HS3ST5: variants seen among roughly 807,000 people sequenced by gnomAD.
HS3ST5 encodes the protein heparan sulfate-glucosamine 3-sulfotransferase 5.
Under a neutral mutation model 25.4 loss-of-function variants are expected in HS3ST5, and 10 were observed. The observed-to-expected ratio is 0.39, with a 90% CI of 0.24 to 0.67. HS3ST5 has a LOEUF of 0.67. HS3ST5 is among the 30% of genes least tolerant of loss of function. The probability of loss-of-function intolerance (pLI) is 0.44; values close to 1 mark genes in which losing one functional copy is unlikely to be tolerated. For missense variants in HS3ST5, 324 were observed against 420.7 expected (o/e 0.77, Z 2.01); for synonymous variants, 170 against 162.4 (o/e 1.05, Z -0.36).
intron 3 of HS3ST5, among the ~76,000 whole-genome samples, chr6:114,145,905 C>T (rs1323476072): frequency 6.6e-6 from 1 of 152,188 alleles, no homozygotes; most frequent in African/African-American, 2.4e-5. Flanking sequence ...CTTAATTGAA[C>T]TGATACCCTT....
intron 3 of HS3ST5, among the ~76,000 whole-genome samples, chr6:114,063,871 G>A (rs12190983): frequency 0.14 from 21,588 of 152,098 alleles, 1,566 homozygotes; most frequent in Middle Eastern, 0.21. Flanking sequence ...TCCCCTGGCT[G>A]TCAATGAATT....
intron 1 of HS3ST5, among the ~76,000 whole-genome samples, chr6:114,335,074 A>G (rs892462902): frequency 6.6e-6 from 1 of 152,156 alleles, no homozygotes; most frequent in East Asian, 1.9e-4. Context: ...AACTGTAACT[A>G]AGAAGCCCAT....
At position 114,057,071 on chromosome 6, in the gene HS3ST5, T is replaced by C. The variant is rs1772809015; in HGVS notation, c.*186A>G. The C allele has an allele frequency of 5.9e-6, 3 of 506,284 alleles. No homozygotes were observed. The East Asian group carries it at 9.1e-5, about 15-fold the overall frequency. The allele number at this position is 506,284 out of a possible 1,614,324, so 31.4% of individuals were successfully genotyped here. A position where few individuals can be genotyped will look rare whatever the true frequency, so the allele number is the denominator to read the frequency against. On this transcript the variant is annotated 3_prime_UTR_variant, in exon 5 of 5. Coordinates refer to ENST00000312719, the MANE Select transcript of HS3ST5 (RefSeq NM_153612.4). Reference sequence around the variant, plus strand: ...AAGATGCGACTATGCAGACAGCAATTTTTTTTTTTTCGTAAATTTTCAGTA... The same window carrying C: ...AAGATGCGACTATGCAGACAGCAATCTTTTTTTTTTCGTAAATTTTCAGTA...
chr6:114,057,075 T>C lies in HS3ST5; in HGVS notation c.*182A>G, dbSNP rs2114688820. On this transcript the variant is annotated 3_prime_UTR_variant, in exon 5 of 5. Coordinates refer to ENST00000312719, the MANE Select transcript of HS3ST5 (RefSeq NM_153612.4). The stretch of plus-strand genomic sequence containing the variant: ...TGCGACTATGCAGACAGCAATTTTT[T>C]TTTTTTCGTAAATTTTCAGTAGAAA... 1.9e-6 allele frequency: 1 copy of C among 522,118 alleles called. No homozygotes were observed. Among genetic ancestry groups the C allele is most frequent in the East Asian group, 2.9e-5 (1 of 34,186 alleles). The allele number at this position is 522,118 out of a possible 1,614,324, so 32.3% of individuals were successfully genotyped here. A position where few individuals can be genotyped will look rare whatever the true frequency, so the allele number is the denominator to read the frequency against.
chr6:114,218,521 T>A (rs1223262323), intron 2 of HS3ST5, among the ~76,000 whole-genome samples: 1 of 152,234 alleles, frequency 6.6e-6, no homozygotes, highest in African/African-American at 2.4e-5. Flanking sequence ...ATTTTGCTTC[T>A]TTTGGAAAAC....
At chr6:114,176,526 A>G (rs1391743748) in intron 2 of HS3ST5, among the ~76,000 whole-genome samples, 1 of 152,166 alleles carries the variant, frequency 6.6e-6, no homozygotes, top group East Asian at 1.9e-4. Flanking sequence ...TGAAAGAACT[A>G]ATTTTGCTTT....
At chr6:114,228,361 T>C (rs1033942903) in intron 2 of HS3ST5, among the ~76,000 whole-genome samples, 2 of 152,200 alleles carry the variant, frequency 1.3e-5, no homozygotes, top group Admixed American at 6.5e-5. Flanking sequence ...TCAAGGTTTC[T>C]ACTCTGCCCT....
At chr6:114,252,643 A>G (rs1772715624) in intron 1 of HS3ST5, among the ~76,000 whole-genome samples, 1 of 152,164 alleles carries the variant, frequency 6.6e-6, no homozygotes, top group African/African-American at 2.4e-5. Flanking sequence ...TCTTTTGAAA[A>G]AAAAAAAAGT....
chr6:114,179,418 A>G (rs1779860401), intron 2 of HS3ST5, among the ~76,000 whole-genome samples: 1 of 152,196 alleles, frequency 6.6e-6, no homozygotes, highest in Non-Finnish European at 1.5e-5. Flanking sequence ...TATGTGACAA[A>G]GGCATTATTA....
At chr6:114,060,076 C>T (rs924531832) in intron 4 of HS3ST5, among the ~76,000 whole-genome samples, 8 of 152,080 alleles carry the variant, frequency 5.3e-5, no homozygotes, top group South Asian at 2.1e-4. Flanking sequence ...TGCAGTGGCA[C>T]GATCTTGGCT....
chr6:114,180,743 T>A (rs1447592756), intron 2 of HS3ST5, among the ~76,000 whole-genome samples: 1 of 152,192 alleles, frequency 6.6e-6, no homozygotes, highest in Non-Finnish European at 1.5e-5. Context: ...TCTATCAGAT[T>A]AGGACCACAT....
chr6:114,101,094 G>T (rs1273655435), intron 3 of HS3ST5, among the ~76,000 whole-genome samples: 1 of 152,118 alleles, frequency 6.6e-6, no homozygotes, highest in Non-Finnish European at 1.5e-5. Flanking sequence ...TGTCCTGTGA[G>T]GCTGGCAATC....
At chr6:114,161,218 C>T (rs567885573) in intron 3 of HS3ST5, among the ~76,000 whole-genome samples, 1 of 151,486 alleles carries the variant, frequency 6.6e-6, no homozygotes, top group East Asian at 2.0e-4. Flanking sequence ...CTAGATTGGT[C>T]CTCGGGTTTC....
At chr6:114,206,759 G>A (rs1222289805) in intron 2 of HS3ST5, among the ~76,000 whole-genome samples, 1 of 152,098 alleles carries the variant, frequency 6.6e-6, no homozygotes, top group Non-Finnish European at 1.5e-5. Flanking sequence ...ACATAGAATG[G>A]CTTCTGAACA....
At chr6:114,099,324 G>A (rs1775611491) in intron 3 of HS3ST5, among the ~76,000 whole-genome samples, 1 of 152,112 alleles carries the variant, frequency 6.6e-6, no homozygotes, top group Non-Finnish European at 1.5e-5. Context: ...GACCTCATTT[G>A]TCTTCCCAGT....
At chr6:114,250,537 C>T (rs1052776012) in intron 1 of HS3ST5, among the ~76,000 whole-genome samples, 33 of 150,242 alleles carry the variant, frequency 2.2e-4, no homozygotes, top group African/African-American at 6.9e-4. Context: ...GCCAAGATCA[C>T]GCCACTGCAC....
intron 1 of HS3ST5, among the ~76,000 whole-genome samples, chr6:114,240,009 T>TACACACACACACACAC (rs149926688): frequency 2.0e-5 from 3 of 148,998 alleles, no homozygotes; most frequent in Middle Eastern, 3.4e-3. Flanking sequence ...AGCACACACA[T>TACACACACACACACAC]ACACACACAC....
At chr6:114,068,212 C>A (rs931594754) in intron 3 of HS3ST5, among the ~76,000 whole-genome samples, 12 of 152,044 alleles carry the variant, frequency 7.9e-5, no homozygotes, top group Non-Finnish European at 1.5e-4. Context: ...AGCAAGATGG[C>A]GCATGCATAC....
At chr6:114,280,901 A>C (rs1224196681) in intron 1 of HS3ST5, among the ~76,000 whole-genome samples, 2 of 152,048 alleles carry the variant, frequency 1.3e-5, no homozygotes, top group African/African-American at 4.8e-5. Context: ...CTGTAAATGT[A>C]AGCTTCACGT....
Sources: allele counts gnomAD v4.1 joint callset (sites outside exome capture counted in the v4.1 genomes callset), GRCh38; gene constraint gnomAD v4.1.1; transcripts MANE v1.5; gene names NCBI Gene and HGNC (gene_info 2026-07-23, HGNC 2026-07-21).